CSMD1: variants seen among roughly 807,000 people sequenced by gnomAD.
CSMD1 encodes CUB and sushi domain-containing protein 1.
Under a neutral mutation model 417.5 loss-of-function variants are expected in CSMD1, and 213 were observed. That is an observed-to-expected ratio of 0.51 (90% CI 0.46 to 0.57). The LOEUF (loss-of-function observed/expected upper bound fraction) is 0.57, where lower values mean the gene tolerates loss of function less well. Ranked by LOEUF, CSMD1 falls within the 20% of genes least tolerant of loss-of-function variation. The pLI is 0.00. For missense variants in CSMD1, 6,923 were observed against 4,529.7 expected (o/e 1.53, Z -15.17); for synonymous variants, 2,862 against 1,736.8 (o/e 1.65, Z -16.11).
At chr8:4,945,370 G>A (rs1264103970) in intron 1 of CSMD1, among the ~76,000 whole-genome samples, 1 of 152,098 alleles carries the variant, frequency 6.6e-6, no homozygotes, top group Non-Finnish European at 1.5e-5. Flanking sequence ...CTTCTGAACT[G>A]CCTGCCGAAA....
At chr8:2,941,663 T>C (rs1801884201) in intron 69 of CSMD1, among the ~76,000 whole-genome samples, 1 of 152,254 alleles carries the variant, frequency 6.6e-6, no homozygotes, top group African/African-American at 2.4e-5. Flanking sequence ...TTTTGACATT[T>C]TACAGTTAGC....
At chr8:4,198,366 C>G (rs1366649706) in intron 3 of CSMD1, among the ~76,000 whole-genome samples, 2 of 152,226 alleles carry the variant, frequency 1.3e-5, no homozygotes, top group South Asian at 4.1e-4. Context: ...GGAGCCTGAA[C>G]TTTGTCCTAC....
intron 7 of CSMD1, among the ~76,000 whole-genome samples, chr8:3,705,326 G>A (rs1478846204): frequency 6.6e-6 from 1 of 152,164 alleles, no homozygotes; most frequent in African/African-American, 2.4e-5. Context: ...CAGCTTCAGG[G>A]GGCTGCAGGA....
intron 2 of CSMD1, among the ~76,000 whole-genome samples, chr8:4,519,152 T>C (rs1411553364): frequency 2.6e-5 from 4 of 152,176 alleles, no homozygotes; most frequent in Admixed American, 6.5e-5. Context: ...CATTAATGTG[T>C]TAAATTATTT....
At chr8:4,795,974 G>A (rs1563410817) in intron 1 of CSMD1, among the ~76,000 whole-genome samples, 1 of 152,132 alleles carries the variant, frequency 6.6e-6, no homozygotes, top group East Asian at 1.9e-4. Context: ...TTTCTTTTAA[G>A]CCTCTCTGAT....
chr8:3,310,646 A>G (rs891979766), intron 23 of CSMD1, among the ~76,000 whole-genome samples: 2 of 152,210 alleles, frequency 1.3e-5, no homozygotes, highest in African/African-American at 4.8e-5. Flanking sequence ...ATCTATCCCT[A>G]TGATCAGTAC....
intron 1 of CSMD1, among the ~76,000 whole-genome samples, chr8:4,737,351 A>G (rs954968092): frequency 6.6e-6 from 1 of 152,062 alleles, no homozygotes; most frequent in African/African-American, 2.4e-5. Flanking sequence ...GGAGGGTTGG[A>G]GGAGAGAGAG....
intron 1 of CSMD1, among the ~76,000 whole-genome samples, chr8:4,793,242 C>T (rs11786958): frequency 0.31 from 46,695 of 151,998 alleles, 8,044 homozygotes; most frequent in Admixed American, 0.42. Context: ...AGTTTTCCTT[C>T]ATATTTACAA....
At chr8:4,811,421 T>C (rs1368967419) in intron 1 of CSMD1, among the ~76,000 whole-genome samples, 1 of 152,166 alleles carries the variant, frequency 6.6e-6, no homozygotes, top group East Asian at 1.9e-4. Context: ...TTGAATCATA[T>C]AAAATTGTTG....
At chr8:4,245,907 C>T (rs1206333940) in intron 3 of CSMD1, among the ~76,000 whole-genome samples, 1 of 152,150 alleles carries the variant, frequency 6.6e-6, no homozygotes, top group African/African-American at 2.4e-5. Flanking sequence ...GGTGCTTTAG[C>T]TAAGGCGTTT....
At chr8:3,823,554 A>T (rs1010323461) in intron 5 of CSMD1, among the ~76,000 whole-genome samples, 8 of 152,208 alleles carry the variant, frequency 5.3e-5, no homozygotes, top group African/African-American at 1.7e-4. Flanking sequence ...AATAAAATAA[A>T]AAATTTACAA....
At chr8:3,820,561 G>C (rs750354683) in intron 5 of CSMD1, among the ~76,000 whole-genome samples, 1 of 152,110 alleles carries the variant, frequency 6.6e-6, no homozygotes. Flanking sequence ...TGTCGTTGTT[G>C]TGTTTTTGTT....
intron 3 of CSMD1, among the ~76,000 whole-genome samples, chr8:4,260,880 T>C (rs1803832767): frequency 6.6e-6 from 1 of 152,214 alleles, no homozygotes; most frequent in African/African-American, 2.4e-5. Flanking sequence ...TTAATCTTTG[T>C]CGTGTTTGAT....
intron 3 of CSMD1, among the ~76,000 whole-genome samples, chr8:4,327,633 C>CAACAACAAAA (rs1450600030): frequency 6.6e-6 from 1 of 152,070 alleles, no homozygotes; most frequent in Non-Finnish European, 1.5e-5. Context: ...CCAAAAACAA[C>CAACAACAAAA]AACAACAAAA....
intron 23 of CSMD1, among the ~76,000 whole-genome samples, chr8:3,342,036 TA>T (rs1807690701): frequency 6.6e-6 from 1 of 152,236 alleles, no homozygotes; most frequent in Non-Finnish European, 1.5e-5. Flanking sequence ...AAAAATTTTA[TA>T]ATTATAGGTT....
At chr8:4,517,030 A>C (rs1202838924) in intron 2 of CSMD1, among the ~76,000 whole-genome samples, 7 of 152,222 alleles carry the variant, frequency 4.6e-5, no homozygotes, top group Non-Finnish European at 7.3e-5. Context: ...GATTTGGAAG[A>C]CTAATTATTT....
intron 1 of CSMD1, among the ~76,000 whole-genome samples, chr8:4,910,349 A>G (rs1215091599): frequency 2.0e-5 from 3 of 152,178 alleles, no homozygotes; most frequent in East Asian, 1.9e-4. Flanking sequence ...ATCTTAGTCA[A>G]TTTTGGCTGC....
chr8:3,409,400 C>T (rs374337704), intron 13 of CSMD1, 23 bp downstream of exon 13: 21 of 1,587,648 alleles, frequency 1.3e-5, no homozygotes, highest in East Asian at 2.3e-5. Context: ...AGGAGGGAGT[C>T]CAGGTCAAGG....
chr8:4,645,444 C>CAAAAAAAAAAAAAAAAAA lies in CSMD1; in HGVS notation c.86-7904_86-7887dup, dbSNP rs549511320. Among the ~76,000 whole-genome samples the CAAAAAAAAAAAAAAAAAA allele has an allele frequency of 8.1e-5, 3 of 36,854 alleles. 1 individual carries two copies. The highest frequency in any genetic ancestry group is 1.4e-4 in the Non-Finnish European group (3 of 21,432). The allele number at this position is 36,854 out of a possible 152,430, so 24.2% of individuals were successfully genotyped here. A position where few individuals can be genotyped will look rare whatever the true frequency, so the allele number is the denominator to read the frequency against. ...CAAGACAGCAGGTGTAGTGCAGGGG[C>CAAAAAAAAAAAAAAAAAA]AAAAAAAAAAAAAAAAAAAAAAAGG... On this transcript the variant is annotated intron_variant, in intron 1 of 69. Transcript: ENST00000635120.
Sources: gnomAD v4.1 joint callset for allele counts (sites outside exome capture counted in the v4.1 genomes callset) on GRCh38, gnomAD v4.1.1 for gene constraint, MANE v1.5 for transcripts, NCBI Gene and HGNC (gene_info 2026-07-23, HGNC 2026-07-21) for gene names.